Variants in XYLT1 observed in about 807,000 individuals in gnomAD.
XYLT1 encodes beta-D-xylosyltransferase 1.
A neutral mutation model predicts 91.3 loss-of-function variants in XYLT1; 36 were observed. The ratio of observed to expected loss-of-function variants is 0.39; its 90% confidence interval spans 0.30 to 0.52. The LOEUF (loss-of-function observed/expected upper bound fraction) is 0.52, where lower values mean the gene tolerates loss of function less well. Ranked by LOEUF, XYLT1 falls within the 20% of genes least tolerant of loss-of-function variation. XYLT1 has a pLI of 0.68. For missense variants in XYLT1, 1,242 were observed against 1,284.5 expected, an observed-to-expected ratio of 0.97 and a Z score of 0.51; for synonymous variants, 588 against 532.0, an observed-to-expected ratio of 1.11 and a Z score of -1.45.
intron 10 of XYLT1, among the ~76,000 whole-genome samples, chr16:17,126,422 G>A (rs1366911790): frequency 6.6e-6 from 1 of 152,190 alleles, no homozygotes; most frequent in Non-Finnish European, 1.5e-5. Context: ...GTAATTTATG[G>A]AATGGGCTCC....
intron 6 of XYLT1, among the ~76,000 whole-genome samples, chr16:17,153,683 G>A (rs981479840): frequency 6.6e-6 from 1 of 152,130 alleles, no homozygotes; most frequent in Non-Finnish European, 1.5e-5. Flanking sequence ...TTATAAATTT[G>A]TTGATACACA....
At chr16:17,213,721 C>T (rs565273025) in intron 3 of XYLT1, among the ~76,000 whole-genome samples, 14 of 152,078 alleles carry the variant, frequency 9.2e-5, no homozygotes, top group Admixed American at 6.6e-5. Flanking sequence ...TGGGTTCAAG[C>T]GATTCTCCTG....
intron 7 of XYLT1, among the ~76,000 whole-genome samples, chr16:17,139,265 C>CTGT (rs2030888977): frequency 1.3e-5 from 2 of 152,210 alleles, no homozygotes; most frequent in African/African-American, 4.8e-5. Context: ...CTAAGGGAAG[C>CTGT]TGTTGGGGAA....
At chr16:17,272,753 C>T (rs2033916071) in intron 2 of XYLT1, among the ~76,000 whole-genome samples, 1 of 152,186 alleles carries the variant, frequency 6.6e-6, no homozygotes, top group Non-Finnish European at 1.5e-5. Context: ...GGCCAGTGTC[C>T]CCTTAGCCCT....
At chr16:17,232,467 T>A (rs1004380331) in intron 3 of XYLT1, among the ~76,000 whole-genome samples, 1 of 116,666 alleles carries the variant, frequency 8.6e-6, no homozygotes, top group African/African-American at 3.2e-5. Context: ...ATATATATAT[T>A]GCCCATGTCA....
At chr16:17,452,588 T>G (rs1370769433) in intron 1 of XYLT1, among the ~76,000 whole-genome samples, 2 of 152,234 alleles carry the variant, frequency 1.3e-5, no homozygotes, top group Non-Finnish European at 2.9e-5. Flanking sequence ...ATTTTCATTT[T>G]CGCTAATCAA....
At chr16:17,199,920 A>C (rs1016407629) in intron 4 of XYLT1, among the ~76,000 whole-genome samples, 8 of 152,010 alleles carry the variant, frequency 5.3e-5, no homozygotes, top group African/African-American at 1.9e-4. Context: ...TAGAGGGGAG[A>C]GGTAAGAAAC....
rs544973812 is a variant in XYLT1, at chr16:17,464,423, C to A, written c.363+6011G>T. ...AGGAGAATTGCTTGAACCTGAGAGG[C>A]GGAGGTAGCAGTGAGTCAAGATTGT... On this transcript the variant is annotated intron_variant, in intron 1 of 11. Transcript: ENST00000261381. 7.6e-5 allele frequency among the ~76,000 whole-genome samples: 11 copies of A among 145,082 alleles called. 1 individual carries two copies. The South Asian group carries it at 2.2e-3, about 29-fold the overall frequency.
At chr16:17,178,210 G>A (rs1409708026) in intron 5 of XYLT1, among the ~76,000 whole-genome samples, 3 of 152,166 alleles carry the variant, frequency 2.0e-5, no homozygotes, top group Admixed American at 6.5e-5. Context: ...TGGGTGAGCT[G>A]TGTTTCATGT....
chr16:17,262,845 G>A (rs904437603), intron 2 of XYLT1, among the ~76,000 whole-genome samples: 1 of 152,092 alleles, frequency 6.6e-6, no homozygotes, highest in Non-Finnish European at 1.5e-5. Context: ...TGTTACTGTA[G>A]CATGGTCTAA....
chr16:17,126,438 C>T (rs2030263597), intron 10 of XYLT1, among the ~76,000 whole-genome samples: 3 of 152,214 alleles, frequency 2.0e-5, no homozygotes, highest in Admixed American at 1.3e-4. Flanking sequence ...GCTCCCTTGG[C>T]TGCTCACATC....
At chr16:17,200,827 C>T (rs1274591385) in intron 3 of XYLT1, among the ~76,000 whole-genome samples, 173 bp from the exon 4 acceptor site, 1 of 152,168 alleles carries the variant, frequency 6.6e-6, no homozygotes, top group Non-Finnish European at 1.5e-5. Context: ...CTCACACTGT[C>T]AGGCACAAAA....
chr16:17,138,306 G>C, intron 8 of XYLT1, 49 bp downstream of exon 8: 1 of 1,593,490 alleles, frequency 6.3e-7, no homozygotes, highest in East Asian at 2.3e-5. Flanking sequence ...GCAGAGGTTT[G>C]TTGGGAAGGC....
intron 9 of XYLT1, among the ~76,000 whole-genome samples, chr16:17,132,012 C>T (rs2030500905): frequency 2.7e-5 from 1 of 36,458 alleles, no homozygotes. Flanking sequence ...TCACTTCATT[C>T]CAAAATGAAT....
chr16:17,150,792 A>G (rs1488193110), intron 6 of XYLT1, among the ~76,000 whole-genome samples: 1 of 152,228 alleles, frequency 6.6e-6, no homozygotes, highest in Non-Finnish European at 1.5e-5. Flanking sequence ...ATATGGGGGT[A>G]ATGATAGAAA....
chr16:17,144,658 A>G (rs1227532257), intron 6 of XYLT1, among the ~76,000 whole-genome samples: 1 of 152,244 alleles, frequency 6.6e-6, no homozygotes, highest in Non-Finnish European at 1.5e-5. Context: ...GATGACACAG[A>G]TTGAAAAGGT....
intron 2 of XYLT1, among the ~76,000 whole-genome samples, chr16:17,304,719 T>C (rs1390577832): frequency 6.6e-6 from 1 of 152,104 alleles, no homozygotes; most frequent in Non-Finnish European, 1.5e-5. Context: ...CTGGACCAGT[T>C]AAACCACTAC....
At chr16:17,407,572 C>T (rs1052324270) in intron 1 of XYLT1, among the ~76,000 whole-genome samples, 11 of 152,196 alleles carry the variant, frequency 7.2e-5, no homozygotes, top group African/African-American at 2.2e-4. Context: ...GGATTATAGG[C>T]ATGAGACAGC....
At position 17,356,889 on chromosome 16, in the gene XYLT1, G is replaced by A. The variant is rs559929729; in HGVS notation, c.402+1123C>T. ...AACAGTTCTATTGGTTTAAAAAGCT[G>A]CCACTTGCCGGACGCAGTGGCTCAT... On this transcript the variant is annotated intron_variant, in intron 2 of 11. Coordinates refer to ENST00000261381, the MANE Select transcript of XYLT1 (RefSeq NM_022166.4). Among the ~76,000 whole-genome samples the A allele has an allele frequency of 2.6e-4, 40 of 152,174 alleles. 2 individuals are homozygous for A. The South Asian group carries it at 7.5e-3, about 28-fold the overall frequency.
Sources: allele counts gnomAD v4.1 joint callset (sites outside exome capture counted in the v4.1 genomes callset), GRCh38; gene constraint gnomAD v4.1.1; transcripts MANE v1.5; gene names NCBI Gene and HGNC (gene_info 2026-07-23, HGNC 2026-07-21).